PARD3: variants seen among roughly 807,000 people sequenced by gnomAD.
PARD3 encodes partitioning defective 3 homolog.
In PARD3, 75 loss-of-function variants were observed where a neutral mutation model predicts 155.4. The ratio of observed to expected loss-of-function variants is 0.48; its 90% confidence interval spans 0.40 to 0.58. The LOEUF (loss-of-function observed/expected upper bound fraction) is 0.58. PARD3 is among the 20% of genes least tolerant of loss of function. PARD3 has a pLI of 0.00. For synonymous variants in PARD3, 576 were observed against 610.5 expected, an observed-to-expected ratio of 0.94 and a Z score of 0.83; for missense variants, 1,642 against 1,721.7, an observed-to-expected ratio of 0.95 and a Z score of 0.82.
chr10:34,406,179 C>T (rs770060153), intron 5 of PARD3, among the ~76,000 whole-genome samples: 6 of 152,036 alleles, frequency 3.9e-5, no homozygotes, highest in South Asian at 2.1e-4. Context: ...TTCTGAATAG[C>T]GATATTAAAT....
chr10:34,663,627 T>C (rs1162394562), intron 2 of PARD3, among the ~76,000 whole-genome samples: 2 of 152,038 alleles, frequency 1.3e-5, no homozygotes, highest in African/African-American at 4.8e-5. Flanking sequence ...CTTCCAAGCA[T>C]CTGATTTTAG....
chr10:34,150,162 TATGAG>T (rs1021902238), intron 22 of PARD3, among the ~76,000 whole-genome samples: 4 of 152,324 alleles, frequency 2.6e-5, no homozygotes, highest in African/African-American at 4.8e-5. Flanking sequence ...ATGTGAATAA[TATGAG>T]ATGAGATACA....
At chr10:34,685,300 G>C (rs2093935399) in intron 2 of PARD3, among the ~76,000 whole-genome samples, 1 of 152,114 alleles carries the variant, frequency 6.6e-6, no homozygotes, top group Admixed American at 6.5e-5. Context: ...AGAAAACACT[G>C]CTTCTTTAAA....
chr10:34,687,827 G>A (rs939280821), intron 2 of PARD3, among the ~76,000 whole-genome samples: 17 of 140,398 alleles, frequency 1.2e-4, no homozygotes, highest in East Asian at 1.1e-3. Flanking sequence ...CCACATGCCC[G>A]GTCAGTTACA....
At chr10:34,369,551 C>T (rs17557767) in intron 12 of PARD3, among the ~76,000 whole-genome samples, 1,993 of 152,150 alleles carry the variant, frequency 0.013, 14 homozygotes, top group Middle Eastern at 0.027. Context: ...AGGACTGCAA[C>T]GTTATAAGCA....
intron 23 of PARD3, among the ~76,000 whole-genome samples, chr10:34,129,994 C>A (rs772564478): frequency 1.3e-5 from 2 of 151,914 alleles, no homozygotes; most frequent in East Asian, 3.9e-4. Flanking sequence ...CACCATTCTT[C>A]CTTCTGTCCT....
intron 7 of PARD3, among the ~76,000 whole-genome samples, chr10:34,393,862 G>C (rs1224372756): frequency 7.2e-6 from 1 of 138,244 alleles, no homozygotes; most frequent in African/African-American, 2.7e-5. Flanking sequence ...TTTTGAGACA[G>C]AGTCTTGCTC....
At chr10:34,266,665 C>A (rs1243092617) in intron 22 of PARD3, among the ~76,000 whole-genome samples, 1 of 152,104 alleles carries the variant, frequency 6.6e-6, no homozygotes, top group East Asian at 1.9e-4. Context: ...AGATGTGATT[C>A]TGAGTTACTT....
At chr10:34,259,695 G>A (rs1954853813) in intron 22 of PARD3, among the ~76,000 whole-genome samples, 1 of 152,186 alleles carries the variant, frequency 6.6e-6, no homozygotes, top group South Asian at 2.1e-4. Context: ...CAGAGATGTG[G>A]GAGAGAAGAT....
intron 2 of PARD3, among the ~76,000 whole-genome samples, chr10:34,604,333 G>A (rs1319141173): frequency 6.6e-6 from 1 of 152,054 alleles, no homozygotes; most frequent in Non-Finnish European, 1.5e-5. Flanking sequence ...AATATGGTGG[G>A]CGAAATGTAG....
chr10:34,470,286 C>G (rs181392578), intron 3 of PARD3, 23 bp from the exon 4 acceptor site: 1 of 1,519,642 alleles, frequency 6.6e-7, no homozygotes, highest in Non-Finnish European at 8.9e-7. Context: ...AAGCACTATG[C>G]TGAAAAATAA....
chr10:34,466,372 T>C (rs1323256387), intron 4 of PARD3, among the ~76,000 whole-genome samples: 3 of 152,146 alleles, frequency 2.0e-5, no homozygotes, highest in Non-Finnish European at 4.4e-5. Flanking sequence ...CACCTCTCGT[T>C]TGTGATTTTG....
At chr10:34,626,945 C>T (rs189873959) in intron 2 of PARD3, among the ~76,000 whole-genome samples, 1 of 152,210 alleles carries the variant, frequency 6.6e-6, no homozygotes, top group Admixed American at 6.5e-5. Context: ...ACGTCATCTT[C>T]GCCTGGCTAT....
intron 2 of PARD3, among the ~76,000 whole-genome samples, chr10:34,533,660 C>A (rs1379524921): frequency 6.6e-6 from 1 of 151,806 alleles, no homozygotes. Flanking sequence ...ATACAAAAAT[C>A]AGCCAGGCAT....
intron 22 of PARD3, among the ~76,000 whole-genome samples, chr10:34,266,649 T>C (rs1214719813): frequency 6.6e-6 from 1 of 152,158 alleles, no homozygotes; most frequent in Non-Finnish European, 1.5e-5. Context: ...AATACAGCAA[T>C]GTCTAAGATG....
intron 1 of PARD3, among the ~76,000 whole-genome samples, chr10:34,785,121 C>T (rs189709960): frequency 1.7e-4 from 26 of 152,302 alleles, no homozygotes; most frequent in Admixed American, 8.5e-4. Flanking sequence ...GTTCTAAGGA[C>T]GATTACAGGG....
intron 1 of PARD3, among the ~76,000 whole-genome samples, chr10:34,757,661 A>C (rs2133993051): frequency 6.6e-6 from 1 of 152,266 alleles, no homozygotes; most frequent in African/African-American, 2.4e-5. Flanking sequence ...CAATGAGCCA[A>C]GATCGTGCCA....
intron 22 of PARD3, among the ~76,000 whole-genome samples, chr10:34,197,253 T>C (rs72786210): frequency 2.0e-5 from 3 of 152,306 alleles, no homozygotes; most frequent in Non-Finnish European, 4.4e-5. Context: ...CTTCTCAAGA[T>C]TGAGTTGGCT....
intron 2 of PARD3, among the ~76,000 whole-genome samples, chr10:34,526,080 CAAAAAAAAAAAAAAAA>C (rs765686445): frequency 3.9e-5 from 2 of 51,824 alleles, no homozygotes; most frequent in African/African-American, 1.4e-4. Flanking sequence ...GACTCCGTAT[CAAAAAAAAAAAAAAAA>C]AAAAAAAAAA....
Sources: gnomAD v4.1 joint callset for allele counts (sites outside exome capture counted in the v4.1 genomes callset) on GRCh38, gnomAD v4.1.1 for gene constraint, MANE v1.5 for transcripts, NCBI Gene and HGNC (gene_info 2026-07-23, HGNC 2026-07-21) for gene names.